KIF13A: variants seen among roughly 807,000 people sequenced by gnomAD.
KIF13A encodes the protein kinesin family member 13A, also known as kinesin-like protein KIF13A.
A neutral mutation model predicts 212.2 loss-of-function variants in KIF13A; 79 were observed. The ratio of observed to expected loss-of-function variants is 0.37; its 90% CI spans 0.31 to 0.45. The LOEUF (loss-of-function observed/expected upper bound fraction) is 0.45. Ranked by LOEUF, KIF13A falls within the 20% of genes least tolerant of loss-of-function variation. The pLI is 1.00. For missense variants in KIF13A, 1,901 were observed against 2,209.0 expected, an observed-to-expected ratio of 0.86 and a Z score of 2.79; for synonymous variants, 789 against 808.6, an observed-to-expected ratio of 0.98 and a Z score of 0.41.
chr6:17,771,251 C>T lies in KIF13A; in HGVS notation c.4477-33G>A. 1.4e-6 allele frequency: 2 copies of T among 1,453,134 alleles called. No individual in the cohort carries two copies. Among genetic ancestry groups the T allele is most frequent in the African/African-American group, 1.4e-5 (1 of 71,762 alleles). The allele number at this position is 1,453,134 out of a possible 1,614,324, so 90.0% of individuals were successfully genotyped here. On this transcript the variant is annotated intron_variant, in intron 37 of 38. Transcript: ENST00000259711. This position sits in a 1 kb window ranked among gnomAD's most constrained non-coding sequence, Gnocchi z 5.4. ...GGTTAAGACACACAGATGCATCACA[C>T]ACAAAGACGACAACGGCCAAAATAC...
chr6:17,795,236 G>C (rs1464099973), intron 23 of KIF13A, among the ~76,000 whole-genome samples: 1 of 152,042 alleles, frequency 6.6e-6, no homozygotes, highest in African/African-American at 2.4e-5. Context: ...TTCACTCACT[G>C]AAGGATATTT....
At chr6:17,830,846 C>T (rs768346728) in intron 13 of KIF13A, among the ~76,000 whole-genome samples, 36 of 152,258 alleles carry the variant, frequency 2.4e-4, no homozygotes, top group Non-Finnish European at 2.2e-4. Flanking sequence ...GGCATCACCT[C>T]GACACCTACT....
intron 2 of KIF13A, among the ~76,000 whole-genome samples, chr6:17,981,757 CTG>C (rs1781109722): frequency 6.6e-6 from 1 of 152,050 alleles, no homozygotes. Flanking sequence ...ACAATTAACT[CTG>C]TAATATGGGC....
rs934518905 is a variant in KIF13A at position 17,968,560 on chromosome 6, C to A, written c.146+18494G>T. On this transcript the variant is annotated intron_variant, in intron 2 of 38. Transcript: ENST00000259711. The surrounding 1 kb of genome is among the most constrained non-coding windows in gnomAD (Gnocchi z 4.7). ...TTGCCTAGGATAGAATTCTCTTCCA[C>A]TAGTTACCTGCATAGAATCTGCAGC... Among the ~76,000 whole-genome samples the A allele has an allele frequency of 6.6e-6, 1 of 152,172 alleles. No homozygotes were observed. Among genetic ancestry groups the A allele is most frequent in the Non-Finnish European group, 1.5e-5 (1 of 68,032 alleles).
intron 13 of KIF13A, among the ~76,000 whole-genome samples, chr6:17,830,119 T>C (rs1269237597): frequency 6.6e-6 from 1 of 152,196 alleles, no homozygotes; most frequent in Non-Finnish European, 1.5e-5. Flanking sequence ...TCAATGTCAA[T>C]CAGATATCTT....
rs1237652843 is a variant in KIF13A, at chr6:17,912,789, T to C, written c.147-14609A>G. 6.6e-6 allele frequency among the ~76,000 whole-genome samples: 1 copy of C among 152,192 alleles called. No homozygotes were observed. The highest frequency in any genetic ancestry group is 1.5e-5 in the Non-Finnish European group (1 of 68,048). On this transcript the variant is annotated intron_variant, in intron 2 of 38. Coordinates refer to ENST00000259711, the MANE Select transcript of KIF13A (RefSeq NM_022113.6). This position sits in a 1 kb window ranked among gnomAD's most constrained non-coding sequence, Gnocchi z 4.2. ...CTGAGAAAAGGTTACTTGTTTCTCA[T>C]GGTATCCTCCCTGTCCAGGTACTGG... is the stretch of plus-strand genomic sequence containing the variant.
At position 17,825,675 on chromosome 6, in the gene KIF13A, T is replaced by C; in HGVS notation, c.1786+93A>G. ...AGTTTTATGTGTTTAAAATGTGGAATGCGGAATGACACCTGATGCATGCTT... is the reference window on the plus strand; with the variant it reads ...AGTTTTATGTGTTTAAAATGTGGAACGCGGAATGACACCTGATGCATGCTT... On this transcript the variant is annotated intron_variant, in intron 16 of 38. Transcript: ENST00000259711. The surrounding 1 kb of genome is among the most constrained non-coding windows in gnomAD (Gnocchi z 4.5). 3.4e-6 allele frequency: 4 copies of C among 1,185,866 alleles called. No homozygotes were observed. The highest frequency in any genetic ancestry group is 2.4e-6 in the Non-Finnish European group (2 of 832,580). 73.5% of individuals were successfully genotyped at this position (1,185,866 alleles called of 1,614,324 possible). A position where few individuals can be genotyped will look rare whatever the true frequency, so the allele number is the denominator to read the frequency against.
At chr6:17,760,595 C>A (rs184768472), downstream of KIF13A, 7 of 566,850 alleles carry the variant, frequency 1.2e-5, no homozygotes, top group East Asian at 2.0e-4. Flanking sequence ...AATACTGTCA[C>A]TTAGTTAATC....
chr6:17,940,516 T>C (rs1776864965), intron 2 of KIF13A, among the ~76,000 whole-genome samples: 1 of 152,194 alleles, frequency 6.6e-6, no homozygotes, highest in Non-Finnish European at 1.5e-5. Context: ...AGATAGAGCA[T>C]ATTTTATCTT....
Position 17,837,604 on chromosome 6 carries a change from A to G in KIF13A, c.831-21T>C. 1 of 1,461,176 alleles carries G rather than the reference A, an allele frequency of 6.8e-7. No individual in the cohort carries two copies. Among genetic ancestry groups the G allele is most frequent in the Non-Finnish European group, 9.4e-7 (1 of 1,058,242 alleles). The allele number at this position is 1,461,176 out of a possible 1,614,324, so 90.5% of individuals were successfully genotyped here. ...GCGATCTGTCAAGAAAAAATGAAAA[A>G]TTAGTTTTATGGAATGTTTATTTGG... On this transcript the variant is annotated intron_variant, in intron 9 of 38. Coordinates refer to ENST00000259711, the MANE Select transcript of KIF13A (RefSeq NM_022113.6). The surrounding 1 kb of genome is among the most constrained non-coding windows in gnomAD (Gnocchi z 5.4).
chr6:17,896,024 G>C (rs1224804881), intron 3 of KIF13A, among the ~76,000 whole-genome samples: 3 of 152,046 alleles, frequency 2.0e-5, no homozygotes. Context: ...GTGGGGAATT[G>C]GTTCTAGAAC....
At chr6:17,917,518 G>T (rs1373814828) in intron 2 of KIF13A, among the ~76,000 whole-genome samples, 1 of 152,074 alleles carries the variant, frequency 6.6e-6, no homozygotes, top group Non-Finnish European at 1.5e-5. Flanking sequence ...TGGGATCACA[G>T]GCGTGAGCCA....
intron 3 of KIF13A, among the ~76,000 whole-genome samples, chr6:17,885,983 T>C (rs1771507486): frequency 6.6e-6 from 1 of 152,182 alleles, no homozygotes. Flanking sequence ...AATAACTTCT[T>C]CAACAGCACA....
At position 17,900,661 on chromosome 6, in the gene KIF13A, T is replaced by C. The variant is rs1198129328; in HGVS notation, c.147-2481A>G. Among the ~76,000 whole-genome samples, 1 of 152,236 alleles carries C rather than the reference T, an allele frequency of 6.6e-6. No homozygotes were observed. Among genetic ancestry groups the C allele is most frequent in the Non-Finnish European group, 1.5e-5 (1 of 68,046 alleles). On this transcript the variant is annotated intron_variant, in intron 2 of 38. Coordinates refer to ENST00000259711, the MANE Select transcript of KIF13A (RefSeq NM_022113.6). This position sits in a 1 kb window ranked among gnomAD's most constrained non-coding sequence, Gnocchi z 4.6. Reference sequence around the variant, plus strand: ...TGTAGTGCATCATCACTGTACTTCATTCATTGATACATCCTCTACTTCATT... The same window carrying C: ...TGTAGTGCATCATCACTGTACTTCACTCATTGATACATCCTCTACTTCATT...
intron 2 of KIF13A, among the ~76,000 whole-genome samples, chr6:17,924,847 T>C (rs1015820360): frequency 1.3e-5 from 2 of 152,216 alleles, no homozygotes; most frequent in Non-Finnish European, 2.9e-5. Flanking sequence ...TTATTAGTGA[T>C]CATAGCTGGG....
intron 16 of KIF13A, among the ~76,000 whole-genome samples, chr6:17,819,967 T>C (rs183290171): frequency 2.0e-5 from 3 of 152,224 alleles, no homozygotes; most frequent in East Asian, 1.9e-4. Flanking sequence ...CCAGAGAAGC[T>C]GGAAAACACA....
Position 17,851,998 on chromosome 6 carries a change from G to A in KIF13A, c.539C>T (p.Pro180Leu). The A allele has an allele frequency of 6.4e-7, 1 of 1,556,130 alleles. No homozygotes were observed. Among genetic ancestry groups the A allele is most frequent in the Non-Finnish European group, 8.7e-7 (1 of 1,154,718 alleles). Reference protein sequence around the residue: ...LKVREHKVLGPYVDGLSQLAV... With the variant: ...LKVREHKVLGLYVDGLSQLAV... ...TAGTTGAGATAAACCATCTACATAT[G>A]GTCCCAAAACTTTATGTTCTCGAAC... Residue 180 changes from proline (P) to leucine (L), a missense_variant, in exon 7 of 39, where the codon CCA (proline) becomes CTA (leucine). Around this residue, in one of 5 missense-constraint regions of KIF13A, gnomAD observed 506 missense variants for 637.4 expected, o/e 0.79. Coordinates refer to ENST00000259711, the MANE Select transcript of KIF13A (RefSeq NM_022113.6).
intron 34 of KIF13A, among the ~76,000 whole-genome samples, chr6:17,775,796 C>G (rs892250561): frequency 4.6e-5 from 7 of 152,090 alleles, no homozygotes; most frequent in Non-Finnish European, 7.4e-5. Context: ...AAGCAATCCT[C>G]TCGCCTTGGC....
At chr6:17,844,798 TAAG>T (rs1420139066) in intron 9 of KIF13A, among the ~76,000 whole-genome samples, 2 of 152,158 alleles carry the variant, frequency 1.3e-5, no homozygotes, top group Admixed American at 6.5e-5. Flanking sequence ...AGTCATAAAT[TAAG>T]AAGGACACCC....
Sources: allele counts gnomAD v4.1 joint callset (sites outside exome capture counted in the v4.1 genomes callset), GRCh38; gene constraint gnomAD v4.1.1; regional missense constraint gnomAD v4.1.1; non-coding constraint Gnocchi (gnomAD v3.1); transcripts MANE v1.5; gene names NCBI Gene and HGNC (gene_info 2026-07-23, HGNC 2026-07-21).